Variants in DHX15 observed in about 807,000 individuals in gnomAD.
DHX15 encodes DEAH-box helicase 15.
In DHX15, 11 loss-of-function variants were observed where a neutral mutation model predicts 94.4. The ratio of observed to expected loss-of-function variants is 0.12; its 90% CI spans 0.07 to 0.19. The LOEUF (loss-of-function observed/expected upper bound fraction) is 0.19, where lower values mean the gene tolerates loss of function less well. Among genes scored for constraint, DHX15 ranks in the 10% least tolerant of loss-of-function variants. The probability of loss-of-function intolerance (pLI) is 1.00; values close to 1 mark genes in which losing one functional copy is unlikely to be tolerated. For missense variants in DHX15, 304 were observed against 988.5 expected (o/e 0.31, Z 9.29); for synonymous variants, 338 against 329.9 (o/e 1.02, Z -0.27).
At chr4:24,577,248 G>A (rs976123659) in intron 1 of DHX15, among the ~76,000 whole-genome samples, 11 of 152,126 alleles carry the variant, frequency 7.2e-5, no homozygotes, top group African/African-American at 2.6e-4. Flanking sequence ...GACGATGTTC[G>A]GTTGTAATGC....
intron 1 of DHX15, among the ~76,000 whole-genome samples, chr4:24,579,091 G>C (rs1722347593): frequency 6.6e-6 from 1 of 152,120 alleles, no homozygotes; most frequent in Non-Finnish European, 1.5e-5. Flanking sequence ...AAAGATAAAA[G>C]GTTAGCTGCT....
At chr4:24,564,182 AAC>A (rs1721947007) in intron 3 of DHX15, among the ~76,000 whole-genome samples, 1 of 152,206 alleles carries the variant, frequency 6.6e-6, no homozygotes, top group Non-Finnish European at 1.5e-5. Context: ...AAATAGCATT[AAC>A]ACACTTAATA....
intron 3 of DHX15, among the ~76,000 whole-genome samples, chr4:24,558,385 T>C (rs956800199): frequency 2.0e-5 from 3 of 152,162 alleles, no homozygotes; most frequent in Non-Finnish European, 4.4e-5. Context: ...TCACCTTCTT[T>C]ATTTTGATCT....
intron 2 of DHX15, among the ~76,000 whole-genome samples, chr4:24,572,730 T>C (rs1446148677): frequency 3.3e-5 from 5 of 152,226 alleles, no homozygotes; most frequent in African/African-American, 1.2e-4. Context: ...CGTTTCCTTG[T>C]ATTTTTACAA....
At chr4:24,575,943 T>C (rs574896012) in intron 2 of DHX15, among the ~76,000 whole-genome samples, 156 of 152,290 alleles carry the variant, frequency 1.0e-3, no homozygotes, top group Non-Finnish European at 1.7e-3. Context: ...TCCACCCAAG[T>C]ACCAGAAAAC....
intron 1 of DHX15, among the ~76,000 whole-genome samples, chr4:24,580,332 TGG>T (rs1722382501): frequency 6.6e-6 from 1 of 151,976 alleles, no homozygotes; most frequent in Non-Finnish European, 1.5e-5. Context: ...ACTTGAGCCC[TGG>T]AATTTGAGAC....
Position 24,527,855 on chromosome 4 carries a change from A to T in DHX15, c.*69T>A. On this transcript the variant is annotated 3_prime_UTR_variant, in exon 14 of 14. Coordinates refer to ENST00000336812, the MANE Select transcript of DHX15 (RefSeq NM_001358.3). ...TTATCGAACCAACGTGAAGAGCACA[A>T]CTCGAACTTTTGAGTTCATTCATCT... 6 of 1,137,964 alleles carry T rather than the reference A, an allele frequency of 5.3e-6. No homozygotes were observed. Among genetic ancestry groups the T allele is most frequent in the Non-Finnish European group, 8.0e-6 (6 of 752,926 alleles). 70.5% of individuals were successfully genotyped at this position (1,137,964 alleles called of 1,614,324 possible).
chr4:24,562,669 A>G (rs1458370732), intron 3 of DHX15, among the ~76,000 whole-genome samples: 1 of 152,254 alleles, frequency 6.6e-6, no homozygotes, highest in Non-Finnish European at 1.5e-5. Context: ...ATAGCCATAC[A>G]CTTTATAAAA....
intron 1 of DHX15, among the ~76,000 whole-genome samples, chr4:24,583,009 C>T (rs1368005985): frequency 6.6e-6 from 1 of 152,174 alleles, no homozygotes; most frequent in African/African-American, 2.4e-5. Context: ...AAAGTACACC[C>T]TATCCTGGCT....
At chr4:24,546,824 T>TTGTTC (rs1213086260) in intron 6 of DHX15, among the ~76,000 whole-genome samples, 4 of 152,090 alleles carry the variant, frequency 2.6e-5, no homozygotes, top group Non-Finnish European at 5.9e-5. Flanking sequence ...AAATTTGTAT[T>TTGTTC]AAGTATTATA....
At chr4:24,543,809 T>C (rs1721368017) in intron 6 of DHX15, among the ~76,000 whole-genome samples, 2 of 152,120 alleles carry the variant, frequency 1.3e-5, no homozygotes, top group African/African-American at 4.8e-5. Flanking sequence ...GGATTCCTCA[T>C]TAGTATTTTA....
chr4:24,576,505 G>A lies in DHX15; in HGVS notation c.245C>T (p.Ser82Leu). ...AGLPPLKASH[S>L]AHSTHSAHST... ...ATGTGCTGAGTGGGTTGAGTGAGCTGAATGGGAAGCTTTCAAAGGTGGTAA... is the reference window on the plus strand; with the variant it reads ...ATGTGCTGAGTGGGTTGAGTGAGCTAAATGGGAAGCTTTCAAAGGTGGTAA... The change falls in exon 2 of 14, where the codon TCA (serine) becomes TTA (leucine). Residue 82 changes from serine (S) to leucine (L), a missense_variant. Around this residue, in one of 9 missense-constraint regions of DHX15, gnomAD observed 143 missense variants for 200.5 expected, o/e 0.71. Transcript: ENST00000336812. 6.2e-7 allele frequency: 1 copy of A among 1,614,168 alleles called. No homozygotes were observed. The highest frequency in any genetic ancestry group is 8.5e-7 in the Non-Finnish European group (1 of 1,180,038).
intron 2 of DHX15, among the ~76,000 whole-genome samples, chr4:24,572,237 C>A (rs1413173514): frequency 6.6e-6 from 1 of 152,076 alleles, no homozygotes; most frequent in Non-Finnish European, 1.5e-5. Context: ...AAGGTTCAAG[C>A]GATTCTCCTA....
intron 1 of DHX15, among the ~76,000 whole-genome samples, chr4:24,583,247 G>T (rs1247638976): frequency 6.6e-6 from 1 of 152,130 alleles, no homozygotes; most frequent in African/African-American, 2.4e-5. Context: ...AACACACAAG[G>T]GACAAGAAAT....
At chr4:24,562,422 G>C (rs1721898156) in intron 3 of DHX15, among the ~76,000 whole-genome samples, 1 of 152,154 alleles carries the variant, frequency 6.6e-6, no homozygotes, top group Non-Finnish European at 1.5e-5. Flanking sequence ...ATACATACTT[G>C]CTGCAAGACA....
intron 2 of DHX15, among the ~76,000 whole-genome samples, chr4:24,574,205 C>CAAAAAAAAAAAAAAAAAAAAAAA (rs61031930): frequency 2.5e-4 from 17 of 68,872 alleles, no homozygotes; most frequent in East Asian, 3.6e-4. Context: ...GACTTTGTCT[C>CAAAAAAAAAAAAAAAAAAAAAAA]AAAAAAAAAA....
At chr4:24,582,783 T>C (rs1361543644) in intron 1 of DHX15, among the ~76,000 whole-genome samples, 2 of 152,176 alleles carry the variant, frequency 1.3e-5, no homozygotes, top group African/African-American at 4.8e-5. Context: ...CTTTTTTAAG[T>C]TGCTTCCAGC....
At chr4:24,534,328 G>C (rs1392293528) in intron 11 of DHX15, 1 of 152,140 alleles carries the variant, frequency 6.6e-6, no homozygotes, top group Non-Finnish European at 1.5e-5. Context: ...TTTTTGAAAA[G>C]GTTGTTGATT....
At chr4:24,564,160 CTG>C (rs888863960) in intron 3 of DHX15, among the ~76,000 whole-genome samples, 3 of 150,916 alleles carry the variant, frequency 2.0e-5, no homozygotes, top group Non-Finnish European at 4.4e-5. Context: ...GTTTGAGAAA[CTG>C]TGAGTGATCA....
Sources: allele counts gnomAD v4.1 joint callset (sites outside exome capture counted in the v4.1 genomes callset), GRCh38; gene constraint gnomAD v4.1.1; regional missense constraint gnomAD v4.1.1; transcripts MANE v1.5; gene names NCBI Gene and HGNC (gene_info 2026-07-23, HGNC 2026-07-21).